FGD4: variants seen among roughly 807,000 people sequenced by gnomAD.
FGD4 encodes FYVE, RhoGEF and PH domain containing 4, also known as FYVE, RhoGEF and PH domain-containing protein 4.
Under a neutral mutation model 102.0 loss-of-function variants are expected in FGD4, and 42 were observed. That is an observed-to-expected ratio of 0.41 (90% CI 0.32 to 0.53). FGD4 has a LOEUF of 0.53. Among genes scored for constraint, FGD4 ranks in the 20% least tolerant of loss-of-function variants. The probability of loss-of-function intolerance (pLI) is 0.21; values close to 1 mark genes in which losing one functional copy is unlikely to be tolerated. For missense variants in FGD4, 902 were observed against 1,078.2 expected, an observed-to-expected ratio of 0.84 and a Z score of 2.29; for synonymous variants, 380 against 375.7, an observed-to-expected ratio of 1.01 and a Z score of -0.13.
chr12:32,575,681 C>T (rs1361741188), intron 2 of FGD4, among the ~76,000 whole-genome samples: 2 of 152,112 alleles, frequency 1.3e-5, no homozygotes, highest in Non-Finnish European at 2.9e-5. Context: ...AATAGTAGTA[C>T]CTACCTGAGA....
chr12:32,577,485 C>T (rs1346068694), intron 3 of FGD4, among the ~76,000 whole-genome samples: 2 of 152,192 alleles, frequency 1.3e-5, no homozygotes, highest in African/African-American at 4.8e-5. Flanking sequence ...ACAAAACCTG[C>T]AGTGTCCCTC....
rs2137076847 is a variant in FGD4 at position 32,638,774 on chromosome 12, G to A, written c.2433G>A (p.Leu811=). ...CVIPKQDPLV[L]YMYGAPQDVR... ...TCCCCAAGCAAGACCCTCTTGTGCTGTACATGTATGGTGCCCCCCAGGTAT... is the reference window on the plus strand; with the variant it reads ...TCCCCAAGCAAGACCCTCTTGTGCTATACATGTATGGTGCCCCCCAGGTAT... The change falls in exon 16 of 17, where the codon CTG becomes CTA. Residue 811 remains leucine, a synonymous_variant. Transcript: ENST00000534526. 4 of 1,614,148 alleles carry A rather than the reference G, an allele frequency of 2.5e-6. No individual in the cohort carries two copies. Among genetic ancestry groups the A allele is most frequent in the South Asian group, 2.2e-5 (2 of 91,070 alleles).
intron 1 of FGD4, among the ~76,000 whole-genome samples, chr12:32,403,182 T>C (rs12811700): frequency 1.5e-3 from 227 of 152,310 alleles, no homozygotes; most frequent in Non-Finnish European, 3.0e-3. Flanking sequence ...TTTAGCATTG[T>C]TATGTCATGT....
chr12:32,608,033 T>C lies in FGD4; in HGVS notation c.1481T>C (p.Met494Thr), dbSNP rs1948896088. The change falls in exon 8 of 17, where the codon ATG (methionine) becomes ACG (threonine). Residue 494 changes from methionine to threonine, a missense_variant. By Grantham distance (81) the Met-to-Thr change is moderately conservative (BLOSUM62 -1). This residue lies in a region of FGD4 where 459 missense variants were observed against 619.0 expected (regional missense o/e 0.74). Coordinates refer to ENST00000534526, the MANE Select transcript of FGD4 (RefSeq NM_001370298.3). ...GTTCAGCGGATTCCCCGGTATGAGA[T>C]GCTCCTTAAGGACTATCTAAGGAAA... ...EPVQRIPRYE[M>T]LLKDYLRKLP... 1 of 1,614,222 alleles carries C rather than the reference T, an allele frequency of 6.2e-7. No individual in the cohort carries two copies. Among genetic ancestry groups the C allele is most frequent in the Non-Finnish European group, 8.5e-7 (1 of 1,180,018 alleles).
intron 1 of FGD4, among the ~76,000 whole-genome samples, chr12:32,531,433 A>G (rs75397230): frequency 0.017 from 2,537 of 152,300 alleles, 37 homozygotes; most frequent in Non-Finnish European, 0.023. Flanking sequence ...CTTTAGTTCC[A>G]AAATTCTGTC....
intron 1 of FGD4, among the ~76,000 whole-genome samples, chr12:32,523,818 C>G (rs907066935): frequency 1.3e-5 from 2 of 151,262 alleles, no homozygotes; most frequent in Admixed American, 1.3e-4. Context: ...GCTAAAAATA[C>G]AAAAACAAAA....
intron 1 of FGD4, among the ~76,000 whole-genome samples, chr12:32,421,957 G>C (rs1445692380): frequency 6.6e-6 from 1 of 151,664 alleles, no homozygotes; most frequent in Non-Finnish European, 1.5e-5. Context: ...TGGCCAACGC[G>C]GTGAAACCCT....
intron 1 of FGD4, among the ~76,000 whole-genome samples, chr12:32,464,276 C>A (rs1420715947): frequency 1.3e-5 from 2 of 152,148 alleles, no homozygotes; most frequent in Non-Finnish European, 2.9e-5. Flanking sequence ...CCTCAGCCTC[C>A]CAAGTAGCTG....
chr12:32,500,165 G>A (rs1350102112), intron 1 of FGD4, among the ~76,000 whole-genome samples: 4 of 152,252 alleles, frequency 2.6e-5, no homozygotes, highest in African/African-American at 4.8e-5. Context: ...TGAGGTTCTC[G>A]TTCCAACGGT....
intron 1 of FGD4, among the ~76,000 whole-genome samples, chr12:32,480,947 G>A (rs1943741918): frequency 6.6e-6 from 1 of 151,484 alleles, no homozygotes; most frequent in Non-Finnish European, 1.5e-5. Context: ...GGGACCATAG[G>A]TGTGCATGGC....
Position 32,643,925 on chromosome 12 carries a change from T to C in FGD4, c.*3392T>C, listed in dbSNP as rs1245491188. ...GAGCATATTGTCTGTGATAAATTTC[T>C]GATGATCTTTCTGGACTAGATACAA... On this transcript the variant is annotated 3_prime_UTR_variant, in exon 17 of 17. Transcript: ENST00000534526. 1.3e-5 allele frequency: 2 copies of C among 152,144 alleles called. No homozygotes were observed. Among genetic ancestry groups the C allele is most frequent in the African/African-American group, 4.8e-5 (2 of 41,458 alleles). The allele number at this position is 152,144 out of a possible 1,614,324, so 9.4% of individuals were successfully genotyped here.
intron 1 of FGD4, among the ~76,000 whole-genome samples, chr12:32,505,758 G>C (rs1387449978): frequency 6.6e-6 from 1 of 152,112 alleles, no homozygotes; most frequent in Non-Finnish European, 1.5e-5. Flanking sequence ...TAACAAACCT[G>C]TTGAATTTAC....
chr12:32,561,075 GTTTT>G (rs1218919677), intron 1 of FGD4, among the ~76,000 whole-genome samples: 1 of 85,150 alleles, frequency 1.2e-5, no homozygotes, highest in African/African-American at 4.6e-5. Context: ...GTTGGGTTTT[GTTTT>G]TTTTTTTTTT....
intron 1 of FGD4, among the ~76,000 whole-genome samples, chr12:32,439,930 A>G (rs1161311531): frequency 3.3e-5 from 5 of 151,656 alleles, no homozygotes; most frequent in Non-Finnish European, 5.9e-5. Flanking sequence ...TGCTTAATCT[A>G]TTTTGCTAAT....
chr12:32,618,601 G>C (rs1445665311), intron 10 of FGD4, among the ~76,000 whole-genome samples: 1 of 152,174 alleles, frequency 6.6e-6, no homozygotes, highest in Non-Finnish European at 1.5e-5. Flanking sequence ...GGAGGCTGAG[G>C]TGAGAGTATT....
In FGD4 at chr12:32,453,237, A is replaced by ATTTT. The variant is rs60006767; in HGVS notation, c.166+53288_166+53291dup. Among the ~76,000 whole-genome samples, 56 of 90,528 alleles carry ATTTT rather than the reference A, an allele frequency of 6.2e-4. 1 individual carries two copies. The highest frequency in any genetic ancestry group is 1.1e-3 in the South Asian group (3 of 2,766). The allele number at this position is 90,528 out of a possible 152,430, so 59.4% of individuals were successfully genotyped here. ...ATATATATAATATAGATATATATAT[A>ATTTT]TTTTTTTTTTTTTAAATGTAGAGCC... On this transcript the variant is annotated intron_variant, in intron 1 of 16. Transcript: ENST00000534526.
intron 1 of FGD4, among the ~76,000 whole-genome samples, chr12:32,413,903 C>T (rs971688168): frequency 2.1e-4 from 32 of 151,372 alleles, no homozygotes; most frequent in African/African-American, 7.3e-4. Flanking sequence ...AGAACAGCCT[C>T]ATCTTGTACT....
intron 4 of FGD4, among the ~76,000 whole-genome samples, chr12:32,592,754 T>G (rs1947585191): frequency 6.6e-6 from 1 of 152,198 alleles, no homozygotes; most frequent in African/African-American, 2.4e-5. Context: ...TTAAATAAGT[T>G]TTTAAAGTTG....
rs528435441 is a variant in FGD4, at chr12:32,414,144, A to G, written c.166+14185A>G. Among the ~76,000 whole-genome samples the G allele has an allele frequency of 1.7e-4, 26 of 151,704 alleles. No homozygotes were observed. In the South Asian group the frequency reaches 1.9e-3, roughly 11 times the overall value. On this transcript the variant is annotated intron_variant, in intron 1 of 16. Coordinates refer to ENST00000534526, the MANE Select transcript of FGD4 (RefSeq NM_001370298.3). ...CCACCAGCACACCCAGCTAATTTTT[A>G]TATTTTTAGTAGAGACAGTGTTTCA...
Sources: gnomAD v4.1 joint callset for allele counts (sites outside exome capture counted in the v4.1 genomes callset) on GRCh38, gnomAD v4.1.1 for gene constraint, gnomAD v4.1.1 regional missense constraint, MANE v1.5 for transcripts, NCBI Gene and HGNC (gene_info 2026-07-23, HGNC 2026-07-21) for gene names.